The following GALNTL6 variants were observed in gnomAD, a reference collection of about 807,000 sequenced individuals.
The protein encoded by GALNTL6 is polypeptide N-acetylgalactosaminyltransferase like 6.
In GALNTL6, 46 loss-of-function variants were observed where a neutral mutation model predicts 73.7. That is an observed-to-expected ratio of 0.62 (90% CI 0.49 to 0.80). GALNTL6 has a LOEUF of 0.80. Ranked by LOEUF, GALNTL6 falls within the 30% of genes least tolerant of loss-of-function variation. GALNTL6 has a pLI of 0.00. For synonymous variants in GALNTL6, 259 were observed against 263.7 expected, an observed-to-expected ratio of 0.98 and a Z score of 0.17; for missense variants, 604 against 755.0, an observed-to-expected ratio of 0.80 and a Z score of 2.34.
At chr4:172,470,640 G>A (rs189739138) in intron 5 of GALNTL6, among the ~76,000 whole-genome samples, 4 of 152,194 alleles carry the variant, frequency 2.6e-5, no homozygotes, top group South Asian at 2.1e-4. Context: ...TTTGACAACC[G>A]TGCTTTAATA....
chr4:171,820,804 A>G (rs1258002166), intron 2 of GALNTL6, among the ~76,000 whole-genome samples: 8 of 152,188 alleles, frequency 5.3e-5, no homozygotes, highest in Non-Finnish European at 1.5e-5. Context: ...AGAGCATGAT[A>G]GTAGCTACCA....
At chr4:172,936,277 A>T (rs1422919096) in intron 9 of GALNTL6, among the ~76,000 whole-genome samples, 1 of 152,216 alleles carries the variant, frequency 6.6e-6, no homozygotes, top group Non-Finnish European at 1.5e-5. Context: ...GATGGAACGT[A>T]TCTCAAAATA....
At chr4:172,960,769 G>A (rs995368693) in intron 10 of GALNTL6, among the ~76,000 whole-genome samples, 1 of 152,194 alleles carries the variant, frequency 6.6e-6, no homozygotes, top group African/African-American at 2.4e-5. Flanking sequence ...TTGGGGTCAA[G>A]TGGCATTGTA....
intron 2 of GALNTL6, among the ~76,000 whole-genome samples, chr4:171,893,484 G>C (rs915715208): frequency 6.6e-6 from 1 of 152,006 alleles, no homozygotes; most frequent in Non-Finnish European, 1.5e-5. Context: ...TTGTGTTTCA[G>C]GAATAGAGAC....
At chr4:172,721,974 G>A (rs1032242311) in intron 5 of GALNTL6, among the ~76,000 whole-genome samples, 1 of 132,226 alleles carries the variant, frequency 7.6e-6, no homozygotes, top group African/African-American at 2.6e-5. Flanking sequence ...TTGCAATGGA[G>A]GTGGCGGAAG....
In GALNTL6 at chr4:172,505,304, T is replaced by A. The variant is rs1193041061; in HGVS notation, c.553+156615T>A. 2.7e-4 allele frequency among the ~76,000 whole-genome samples: 15 copies of A among 55,448 alleles called. 5 individuals carry two copies. Among genetic ancestry groups the A allele is most frequent in the African/African-American group, 6.7e-4 (15 of 22,238 alleles). The allele number at this position is 55,448 out of a possible 152,430, so 36.4% of individuals were successfully genotyped here. ...CATTTATTTGCTTTACAAGGAGGAA[T>A]GACTCAAACACAGTCCTTTGGAGCT... On this transcript the variant is annotated intron_variant, in intron 5 of 12. Transcript: ENST00000506823.
chr4:172,277,122 T>G (rs1234130083), intron 3 of GALNTL6, among the ~76,000 whole-genome samples: 1 of 152,186 alleles, frequency 6.6e-6, no homozygotes, highest in Admixed American at 6.6e-5. Flanking sequence ...CCTTTAAACT[T>G]TATTTTCTTT....
chr4:172,905,825 A>G (rs1746858896), intron 8 of GALNTL6, among the ~76,000 whole-genome samples: 1 of 150,418 alleles, frequency 6.6e-6, no homozygotes. Context: ...AAAAAAAAAA[A>G]AAAAAAAAAA....
intron 8 of GALNTL6, among the ~76,000 whole-genome samples, chr4:172,885,515 G>A (rs1745674168): frequency 6.6e-6 from 1 of 152,072 alleles, no homozygotes; most frequent in South Asian, 2.1e-4. Flanking sequence ...AAGATAATTT[G>A]ACTTCTTCCA....
At position 172,281,133 on chromosome 4, in the gene GALNTL6, C is replaced by T. The variant is rs901258654; in HGVS notation, c.248-30481C>T. 2.6e-4 allele frequency among the ~76,000 whole-genome samples: 40 copies of T among 152,138 alleles called. No homozygotes were observed. In the South Asian group the frequency reaches 3.1e-3, roughly 12 times the overall value. On this transcript the variant is annotated intron_variant, in intron 3 of 12. Coordinates refer to ENST00000506823, the MANE Select transcript of GALNTL6 (RefSeq NM_001034845.3). ...GCAATGAACCGAGATCGCACCACTG[C>T]ACACTCCAGTCTGGACCACAGAGTG... is the stretch of plus-strand genomic sequence containing the variant.
chr4:172,363,191 T>C (rs1742434205), intron 5 of GALNTL6, among the ~76,000 whole-genome samples: 1 of 152,132 alleles, frequency 6.6e-6, no homozygotes, highest in African/African-American at 2.4e-5. Context: ...ATGGCATATA[T>C]TTATCACCCC....
intron 2 of GALNTL6, among the ~76,000 whole-genome samples, chr4:172,096,592 T>G (rs996919315): frequency 2.0e-5 from 3 of 152,166 alleles, no homozygotes; most frequent in Non-Finnish European, 4.4e-5. Context: ...TTAATTTCTT[T>G]CAGGTGATGC....
chr4:172,586,493 G>A (rs140165926), intron 5 of GALNTL6, among the ~76,000 whole-genome samples: 1,672 of 146,640 alleles, frequency 0.011, 20 homozygotes, highest in Non-Finnish European at 0.017. Context: ...AAAAAAAAAG[G>A]ACATTTCAAG....
intron 2 of GALNTL6, among the ~76,000 whole-genome samples, chr4:172,051,177 A>G (rs974636508): frequency 2.6e-5 from 4 of 152,024 alleles, no homozygotes; most frequent in African/African-American, 7.2e-5. Context: ...AATCCCTTAT[A>G]GGAAGGGGAG....
chr4:172,346,431 T>G (rs1355846610), intron 4 of GALNTL6, among the ~76,000 whole-genome samples: 3 of 152,204 alleles, frequency 2.0e-5, no homozygotes, highest in African/African-American at 7.2e-5. Context: ...GAGTCCTCTT[T>G]AGTCACTTCT....
chr4:172,402,642 T>C (rs544369043), intron 5 of GALNTL6, among the ~76,000 whole-genome samples: 139 of 152,186 alleles, frequency 9.1e-4, no homozygotes, highest in Admixed American at 2.1e-3. Context: ...TTAATTGTTA[T>C]AGGAAGATTT....
intron 4 of GALNTL6, among the ~76,000 whole-genome samples, chr4:172,347,885 C>A (rs746888701): frequency 1.3e-5 from 2 of 151,972 alleles, no homozygotes; most frequent in African/African-American, 4.8e-5. Flanking sequence ...ATGGTTCCAA[C>A]AATGAAAAAA....
chr4:172,661,383 A>C (rs944143679), intron 5 of GALNTL6, among the ~76,000 whole-genome samples: 1 of 152,236 alleles, frequency 6.6e-6, no homozygotes, highest in Non-Finnish European at 1.5e-5. Flanking sequence ...GAGCCAATTC[A>C]TTAAAATAAA....
intron 2 of GALNTL6, among the ~76,000 whole-genome samples, chr4:172,052,835 C>T (rs2174492): frequency 0.79 from 120,075 of 152,078 alleles, 47,980 homozygotes; most frequent in Non-Finnish European, 0.85. Context: ...CTAGCATAAA[C>T]ATACATACAT....
Sources: allele counts gnomAD v4.1 joint callset (sites outside exome capture counted in the v4.1 genomes callset), GRCh38; gene constraint gnomAD v4.1.1; transcripts MANE v1.5; gene names NCBI Gene and HGNC (gene_info 2026-07-23, HGNC 2026-07-21).